Variants in DMRT1 observed in about 807,000 individuals in gnomAD.
DMRT1 encodes the protein doublesex- and mab-3-related transcription factor 1.
DMRT1 carries 7 observed loss-of-function variants against 32.3 expected under a neutral mutation model. The ratio of observed to expected loss-of-function variants is 0.22; its 90% CI spans 0.12 to 0.41. The LOEUF is 0.41. DMRT1 is among the 10% of genes least tolerant of loss of function. The pLI, the probability that DMRT1 is intolerant of heterozygous loss-of-function variation, is 1.00. For missense variants in DMRT1, 625 were observed against 500.5 expected (o/e 1.25, Z -2.37); for synonymous variants, 278 against 206.1 (o/e 1.35, Z -2.99).
chr9:930,607 A>C (rs1295058049), intron 4 of DMRT1, among the ~76,000 whole-genome samples: 1 of 151,910 alleles, frequency 6.6e-6, no homozygotes, highest in Non-Finnish European at 1.5e-5. Flanking sequence ...ACAGGGTTTC[A>C]CCATGTTAGC....
intron 3 of DMRT1, among the ~76,000 whole-genome samples, chr9:895,898 G>T (rs899039138): frequency 6.7e-6 from 1 of 148,482 alleles, no homozygotes; most frequent in African/African-American, 2.5e-5. Context: ...TCTGCCTCCC[G>T]GGTTCAAGCC....
At chr9:849,760 A>T (rs1259315767) in intron 2 of DMRT1, among the ~76,000 whole-genome samples, 1 of 151,100 alleles carries the variant, frequency 6.6e-6, no homozygotes, top group African/African-American at 2.4e-5. Context: ...TCATTTGCTC[A>T]GGCACAGGTG....
rs113780516 is a variant in DMRT1, at chr9:932,448, C to T, written c.967+15541C>T. 6.0e-3 allele frequency among the ~76,000 whole-genome samples: 919 copies of T among 152,306 alleles called. 9 individuals carry two copies. Among genetic ancestry groups the T allele is most frequent in the African/African-American group, 0.021 (856 of 41,564 alleles). On this transcript the variant is annotated intron_variant, in intron 4 of 4. Transcript: ENST00000382276. ...CTAACATTCATGAACTATCTAATGTCTATATAGACCATCCATATATGAAAA... is the reference window on the plus strand; with the variant it reads ...CTAACATTCATGAACTATCTAATGTTTATATAGACCATCCATATATGAAAA...
At position 965,671 on chromosome 9, in the gene DMRT1, C is replaced by G. The variant is rs1342860824; in HGVS notation, c.968-2314C>G. ...CTGAACATGTTGGGAGAACACATAC[C>G]TATTCCTTTACAAGCCTCTGCATCA... is the stretch of plus-strand genomic sequence containing the variant. On this transcript the variant is annotated intron_variant, in intron 4 of 4. Transcript: ENST00000382276. This position sits in a 1 kb window ranked among gnomAD's most constrained non-coding sequence, Gnocchi z 4.5. Among the ~76,000 whole-genome samples, 1 of 152,196 alleles carries G rather than the reference C, an allele frequency of 6.6e-6. No homozygotes were observed. Among genetic ancestry groups the G allele is most frequent in the Non-Finnish European group, 1.5e-5 (1 of 68,050 alleles).
intron 2 of DMRT1, among the ~76,000 whole-genome samples, chr9:856,313 A>G (rs1461540334): frequency 1.3e-5 from 2 of 152,316 alleles, no homozygotes; most frequent in African/African-American, 2.4e-5. Flanking sequence ...CAAGTGTACA[A>G]TTCAGTGTTT....
chr9:947,602 G>A (rs1564270135), intron 4 of DMRT1, among the ~76,000 whole-genome samples: 1 of 152,216 alleles, frequency 6.6e-6, no homozygotes, highest in African/African-American at 2.4e-5. Flanking sequence ...TGGAGGTCAC[G>A]GAGCTCAACC....
At chr9:842,234 T>TTC (rs1554739433) in intron 1 of DMRT1, 42 bp downstream of exon 1, 2 of 1,307,924 alleles carry the variant, frequency 1.5e-6, no homozygotes, top group African/African-American at 3.1e-5. Flanking sequence ...GCCTTAGTTT[T>TTC]TTTTTTTTTT....
At chr9:912,106 C>T (rs1818011431) in intron 3 of DMRT1, among the ~76,000 whole-genome samples, 1 of 152,228 alleles carries the variant, frequency 6.6e-6, no homozygotes, top group Non-Finnish European at 1.5e-5. Context: ...AAGAAGCAGG[C>T]ACCTTCTCTT....
chr9:890,085 G>GTTTTTTTTTTTTTTTTTGTTTTTTTTTTT (rs1817081507), intron 2 of DMRT1, among the ~76,000 whole-genome samples: 1 of 103,002 alleles, frequency 9.7e-6, no homozygotes, highest in African/African-American at 3.8e-5. Flanking sequence ...CACCAAACGT[G>GTTTTTTTTTTTTTTTTTGTTTTTTTTTTT]TTTTTTTTTT....
chr9:846,952 G>A lies in DMRT1; in HGVS notation c.355-8G>A, dbSNP rs55905583. 6.2e-7 allele frequency: 1 copy of A among 1,614,052 alleles called. No individual in the cohort carries two copies. Among genetic ancestry groups the A allele is most frequent in the Non-Finnish European group, 8.5e-7 (1 of 1,180,046 alleles). On this transcript the variant is annotated splice_polypyrimidine_tract_variant and splice_region_variant and intron_variant, in intron 1 of 4. Coordinates refer to ENST00000382276, the MANE Select transcript of DMRT1 (RefSeq NM_021951.3). ...GCTGGAGGATGACTCATTGTCGTGT[G>A]CTTCCAGGTGGCCCTGAGAAGGCAG... is the stretch of plus-strand genomic sequence containing the variant.
At chr9:856,057 C>G (rs1374761924) in intron 2 of DMRT1, among the ~76,000 whole-genome samples, 1 of 152,078 alleles carries the variant, frequency 6.6e-6, no homozygotes, top group Non-Finnish European at 1.5e-5. Context: ...GCTGGGATTA[C>G]AGGCGCCCGC....
intron 4 of DMRT1, among the ~76,000 whole-genome samples, chr9:929,855 G>C (rs549431344): frequency 2.0e-5 from 3 of 152,100 alleles, no homozygotes; most frequent in Non-Finnish European, 2.9e-5. Flanking sequence ...GCCAGTTAGT[G>C]TCTGGGCCTA....
chr9:934,865 A>C (rs1426626379), intron 4 of DMRT1, among the ~76,000 whole-genome samples: 1 of 152,156 alleles, frequency 6.6e-6, no homozygotes, highest in African/African-American at 2.4e-5. Flanking sequence ...CCAGACATTG[A>C]ATGTTGAATC....
At chr9:864,613 C>T (rs1815884444) in intron 2 of DMRT1, among the ~76,000 whole-genome samples, 1 of 150,890 alleles carries the variant, frequency 6.6e-6, no homozygotes, top group African/African-American at 2.4e-5. Flanking sequence ...ATTCTCCTTC[C>T]TCAGCCTCCT....
At chr9:955,161 G>C (rs932554908) in intron 4 of DMRT1, among the ~76,000 whole-genome samples, 4 of 152,130 alleles carry the variant, frequency 2.6e-5, no homozygotes, top group African/African-American at 7.2e-5. Context: ...TGTGGCCTGA[G>C]GACTGGGGAG....
At chr9:964,746 TC>T (rs1819880229) in intron 4 of DMRT1, among the ~76,000 whole-genome samples, 1 of 152,150 alleles carries the variant, frequency 6.6e-6, no homozygotes, top group Non-Finnish European at 1.5e-5. Context: ...CAATTATTCT[TC>T]CTTTCTTCGG....
chr9:938,084 T>C (rs1386226790), intron 4 of DMRT1, among the ~76,000 whole-genome samples: 3 of 152,154 alleles, frequency 2.0e-5, no homozygotes, highest in East Asian at 1.9e-4. Context: ...TTTCCCAACA[T>C]TGTTTATTGA....
chr9:858,665 G>A (rs1815507819), intron 2 of DMRT1, among the ~76,000 whole-genome samples: 1 of 152,026 alleles, frequency 6.6e-6, no homozygotes, highest in South Asian at 2.1e-4. Context: ...TCTGAGGTCA[G>A]GAGTTCGAGA....
chr9:864,526 T>A (rs1282383950), intron 2 of DMRT1, among the ~76,000 whole-genome samples: 15 of 99,166 alleles, frequency 1.5e-4, no homozygotes, highest in African/African-American at 5.4e-4. Context: ...TGAGACGGAG[T>A]CTTGCTCTGT....
Sources: allele counts gnomAD v4.1 joint callset (sites outside exome capture counted in the v4.1 genomes callset), GRCh38; gene constraint gnomAD v4.1.1; non-coding constraint Gnocchi (gnomAD v3.1); transcripts MANE v1.5; gene names NCBI Gene and HGNC (gene_info 2026-07-23, HGNC 2026-07-21).